PDE4B: variants seen among roughly 807,000 people sequenced by gnomAD.
The protein encoded by PDE4B is 3',5'-cyclic-AMP phosphodiesterase 4B.
In PDE4B, 20 loss-of-function variants were observed where a neutral mutation model predicts 82.2. That is an observed-to-expected ratio of 0.24 (90% CI 0.17 to 0.35). The LOEUF (loss-of-function observed/expected upper bound fraction) is 0.35. Ranked by LOEUF, PDE4B falls within the 10% of genes least tolerant of loss-of-function variation. The pLI is 1.00. For synonymous variants in PDE4B, 320 were observed against 318.9 expected (o/e 1.00, Z -0.04); for missense variants, 655 against 907.2 (o/e 0.72, Z 3.57).
intron 7 of PDE4B, among the ~76,000 whole-genome samples, chr1:66,330,378 T>A (rs1660019526): frequency 1.1e-5 from 1 of 90,640 alleles, no homozygotes. Context: ...GTCCTTCTCT[T>A]TTTTGTACTT....
chr1:66,362,036 C>T (rs17128833), intron 10 of PDE4B, among the ~76,000 whole-genome samples: 5,309 of 151,590 alleles, frequency 0.035, 296 homozygotes, highest in African/African-American at 0.12. Flanking sequence ...TGCTGGGTAG[C>T]CATTAAGAAT....
At chr1:65,931,419 T>TA (rs1647826855) in intron 3 of PDE4B, among the ~76,000 whole-genome samples, 1 of 152,174 alleles carries the variant, frequency 6.6e-6, no homozygotes, top group Non-Finnish European at 1.5e-5. Context: ...CAAAATATCC[T>TA]ACAGACTGGC....
rs1481548129 is a variant in PDE4B at position 66,222,664 on chromosome 1, T to A, written c.282-24796T>A. Among the ~76,000 whole-genome samples the A allele has an allele frequency of 1.6e-4, 25 of 152,240 alleles. 1 individual carries two copies. On this transcript the variant is annotated intron_variant, in intron 3 of 16. Coordinates refer to ENST00000341517, the MANE Select transcript of PDE4B (RefSeq NM_002600.4). ...TGAGCAAATTATTCAACCTCTCTGATCATTCGTTTCCTCATTGTTCAATGT... is the reference window on the plus strand; with the variant it reads ...TGAGCAAATTATTCAACCTCTCTGAACATTCGTTTCCTCATTGTTCAATGT...
chr1:66,068,894 T>C (rs534422724), intron 3 of PDE4B, among the ~76,000 whole-genome samples: 12 of 152,022 alleles, frequency 7.9e-5, no homozygotes, highest in Non-Finnish European at 1.8e-4. Context: ...CACTCTTTGG[T>C]TACCTGTAGG....
At chr1:65,967,194 A>G (rs1649880554) in intron 3 of PDE4B, among the ~76,000 whole-genome samples, 1 of 152,230 alleles carries the variant, frequency 6.6e-6, no homozygotes, top group South Asian at 2.1e-4. Context: ...TTTACAAGAA[A>G]AAAAACAATC....
Position 66,234,355 on chromosome 1 carries a change from G to A in PDE4B, c.282-13105G>A, listed in dbSNP as rs193099768. Among the ~76,000 whole-genome samples the A allele has an allele frequency of 1.3e-4, 20 of 152,238 alleles. No homozygotes were observed. In the East Asian group the frequency reaches 2.9e-3, roughly 22 times the overall value. ...CAAGACTGGAGTGCAATGGCAGGAT[G>A]TTGGCTCACTGCAACCTCTGCCTCC... is the stretch of plus-strand genomic sequence containing the variant. On this transcript the variant is annotated intron_variant, in intron 3 of 16. Transcript: ENST00000341517.
At chr1:65,925,520 G>A (rs1367671527) in intron 3 of PDE4B, among the ~76,000 whole-genome samples, 4 of 151,804 alleles carry the variant, frequency 2.6e-5, no homozygotes, top group Non-Finnish European at 4.4e-5. Flanking sequence ...TGCACCCCCC[G>A]AGCCCCTGCC....
At chr1:66,028,698 T>A (rs1230664625) in intron 3 of PDE4B, among the ~76,000 whole-genome samples, 1 of 152,158 alleles carries the variant, frequency 6.6e-6, no homozygotes, top group Non-Finnish European at 1.5e-5. Flanking sequence ...AAATCATCCT[T>A]TTTAGGTTCA....
At chr1:65,806,206 A>G (rs1645753208) in intron 1 of PDE4B, among the ~76,000 whole-genome samples, 1 of 152,120 alleles carries the variant, frequency 6.6e-6, no homozygotes. Context: ...TAACATTAGC[A>G]CTATATTAGT....
intron 3 of PDE4B, among the ~76,000 whole-genome samples, chr1:66,037,873 TAAAAC>T (rs1272697141): frequency 6.6e-6 from 1 of 152,106 alleles, no homozygotes; most frequent in East Asian, 1.9e-4. Flanking sequence ...TTAATGAAAA[TAAAAC>T]AAAATATATT....
intron 4 of PDE4B, among the ~76,000 whole-genome samples, chr1:66,255,614 T>C (rs1170751479): frequency 1.3e-5 from 2 of 152,210 alleles, no homozygotes; most frequent in African/African-American, 4.8e-5. Flanking sequence ...GCATCTACCA[T>C]CCCTGACTTT....
chr1:65,974,321 C>T (rs1650297639), intron 3 of PDE4B, among the ~76,000 whole-genome samples: 1 of 152,088 alleles, frequency 6.6e-6, no homozygotes, highest in African/African-American at 2.4e-5. Flanking sequence ...TTGCTTCAAC[C>T]TGATTCTATA....
chr1:65,932,536 A>T (rs1638680163), intron 3 of PDE4B, among the ~76,000 whole-genome samples: 1 of 152,030 alleles, frequency 6.6e-6, no homozygotes, highest in Non-Finnish European at 1.5e-5. Context: ...TGTCTAATAT[A>T]CCAACCCTAC....
intron 1 of PDE4B, among the ~76,000 whole-genome samples, chr1:65,837,795 T>C (rs1646158210): frequency 7.1e-6 from 1 of 140,712 alleles, no homozygotes; most frequent in Admixed American, 7.6e-5. Context: ...TAGGTAAACT[T>C]GTGTGTGTGT....
intron 1 of PDE4B, among the ~76,000 whole-genome samples, chr1:65,794,194 C>T (rs1645606283): frequency 6.6e-6 from 1 of 152,138 alleles, no homozygotes; most frequent in African/African-American, 2.4e-5. Context: ...TAACTCTATG[C>T]ATTCTGCATC....
chr1:66,143,186 A>G (rs978303244), intron 3 of PDE4B, among the ~76,000 whole-genome samples: 2 of 152,196 alleles, frequency 1.3e-5, no homozygotes, highest in African/African-American at 4.8e-5. Context: ...AGTGAAGACA[A>G]GGGTTTGTCT....
chr1:65,917,341 T>G (rs1271280978), intron 2 of PDE4B, among the ~76,000 whole-genome samples: 1 of 152,154 alleles, frequency 6.6e-6, no homozygotes, highest in Non-Finnish European at 1.5e-5. Flanking sequence ...CTAACTCGAG[T>G]CTGAAGAGCT....
At chr1:65,840,626 G>A (rs1646196502) in intron 1 of PDE4B, among the ~76,000 whole-genome samples, 3 of 152,150 alleles carry the variant, frequency 2.0e-5, no homozygotes, top group Non-Finnish European at 2.9e-5. Context: ...AAGGGCATGA[G>A]CCATCTCTTA....
chr1:66,207,375 T>C (rs12046822), intron 3 of PDE4B, among the ~76,000 whole-genome samples: 1 of 152,194 alleles, frequency 6.6e-6, no homozygotes, highest in Non-Finnish European at 1.5e-5. Context: ...TGAACCCCAA[T>C]TATTTACATA....
Sources: gnomAD v4.1 joint callset for allele counts (sites outside exome capture counted in the v4.1 genomes callset) on GRCh38, gnomAD v4.1.1 for gene constraint, MANE v1.5 for transcripts, NCBI Gene and HGNC (gene_info 2026-07-23, HGNC 2026-07-21) for gene names.